The following PPARG variants were observed in gnomAD, a reference collection of about 807,000 sequenced individuals.
The protein encoded by PPARG is peroxisome proliferator activated receptor gamma.
A neutral mutation model predicts 39.2 loss-of-function variants in PPARG; 17 were observed. That is an observed-to-expected ratio of 0.43 (90% CI 0.30 to 0.65). PPARG has a LOEUF of 0.65. PPARG is among the 30% of genes least tolerant of loss of function. The probability of loss-of-function intolerance (pLI) is 0.13; values close to 1 mark genes in which losing one functional copy is unlikely to be tolerated. For missense variants in PPARG, 406 were observed against 585.9 expected, an observed-to-expected ratio of 0.69 and a Z score of 3.17; for synonymous variants, 223 against 215.7, an observed-to-expected ratio of 1.03 and a Z score of -0.30.
chr3:12,396,231 C>T (rs1296329437), intron 5 of PPARG, among the ~76,000 whole-genome samples: 5 of 151,970 alleles, frequency 3.3e-5, no homozygotes, highest in Admixed American at 1.3e-4. Context: ...AAGCAATTCT[C>T]CTGCCTTAGC....
chr3:12,426,431 T>G (rs938989004), intron 7 of PPARG, among the ~76,000 whole-genome samples: 1 of 152,130 alleles, frequency 6.6e-6, no homozygotes, highest in Non-Finnish European at 1.5e-5. Flanking sequence ...AAATCATCCA[T>G]GGCTCAGACC....
In PPARG at chr3:12,417,123, A is replaced by G; in HGVS notation, c.1149A>G (p.Ala383=). The part of the protein sequence containing the change: ...NALELDDSDL[A]IFIAVIILSG... The stretch of plus-strand genomic sequence containing the variant: ...TGGAATTAGATGACAGCGACTTGGC[A>G]ATATTTATTGCTGTCATTATTCTCA... Residue 383 remains alanine (A), a synonymous_variant, in exon 7 of 8, where the codon GCA becomes GCG. Coordinates refer to ENST00000651735, the MANE Select transcript of PPARG (RefSeq NM_138711.6). The G allele has an allele frequency of 6.2e-7, 1 of 1,614,128 alleles. No homozygotes were observed. Among genetic ancestry groups the G allele is most frequent in the Non-Finnish European group, 8.5e-7 (1 of 1,179,996 alleles).
intron 2 of PPARG, among the ~76,000 whole-genome samples, chr3:12,348,815 G>T (rs190572423): frequency 6.6e-6 from 1 of 152,166 alleles, no homozygotes; most frequent in East Asian, 1.9e-4. Flanking sequence ...CAACCCATTG[G>T]TGTACAAAGC....
At chr3:12,375,690 A>G (rs567264360) in intron 2 of PPARG, among the ~76,000 whole-genome samples, 1 of 152,204 alleles carries the variant, frequency 6.6e-6, no homozygotes, top group Non-Finnish European at 1.5e-5. Flanking sequence ...GAAACAAAGG[A>G]CACAGTTGGA....
At chr3:12,392,055 C>T (rs533327107) in intron 4 of PPARG, among the ~76,000 whole-genome samples, 87 of 152,174 alleles carry the variant, frequency 5.7e-4, no homozygotes, top group African/African-American at 2.0e-3. Flanking sequence ...TGTCTGTAAG[C>T]CACAACAATG....
intron 2 of PPARG, among the ~76,000 whole-genome samples, chr3:12,371,551 A>G (rs956133934): frequency 6.6e-5 from 10 of 152,222 alleles, no homozygotes; most frequent in Admixed American, 3.9e-4. Flanking sequence ...GGTTCCTTAC[A>G]TGAGACTTTT....
chr3:12,355,796 C>T (rs963299199), intron 2 of PPARG, among the ~76,000 whole-genome samples: 2 of 152,170 alleles, frequency 1.3e-5, no homozygotes, highest in Non-Finnish European at 2.9e-5. Flanking sequence ...GTCTTGAAAG[C>T]TCCCTGACAG....
chr3:12,373,230 A>G (rs1419886066), intron 2 of PPARG, among the ~76,000 whole-genome samples: 4 of 152,158 alleles, frequency 2.6e-5, no homozygotes, highest in African/African-American at 9.6e-5. Context: ...TGTGCCTCCC[A>G]GTAACTATGG....
At chr3:12,305,536 T>A (rs1186146489) in intron 1 of PPARG, among the ~76,000 whole-genome samples, 1 of 152,226 alleles carries the variant, frequency 6.6e-6, no homozygotes, top group African/African-American at 2.4e-5. Context: ...CAAATGCAGA[T>A]ATAGCAGATG....
chr3:12,354,825 A>G (rs1160364621), intron 2 of PPARG, among the ~76,000 whole-genome samples: 2 of 152,120 alleles, frequency 1.3e-5, no homozygotes, highest in African/African-American at 4.8e-5. Context: ...CAAAAACCGC[A>G]GAACTCTTTA....
At position 12,419,782 on chromosome 3, in the gene PPARG, T is replaced by C. The variant is rs1233545299; in HGVS notation, c.1180+2628T>C. On this transcript the variant is annotated intron_variant, in intron 7 of 7. Coordinates refer to ENST00000651735, the MANE Select transcript of PPARG (RefSeq NM_138711.6). ...GCACCCAGACTATTTATCTACTATTTTAAGGCACATTTTATTTTTAATAAA... is the reference window on the plus strand; with the variant it reads ...GCACCCAGACTATTTATCTACTATTCTAAGGCACATTTTATTTTTAATAAA... Among the ~76,000 whole-genome samples, 3 of 152,282 alleles carry C rather than the reference T, an allele frequency of 2.0e-5. No individual in the cohort carries two copies. The East Asian group carries it at 5.8e-4, about 29-fold the overall frequency.
At chr3:12,432,282 CA>C (rs1324050445) in intron 7 of PPARG, among the ~76,000 whole-genome samples, 1 of 152,124 alleles carries the variant, frequency 6.6e-6, no homozygotes, top group East Asian at 1.9e-4. Flanking sequence ...GTATCACCTA[CA>C]AATACAAAAA....
intron 7 of PPARG, among the ~76,000 whole-genome samples, chr3:12,422,063 G>A (rs1255041365): frequency 6.6e-6 from 1 of 152,134 alleles, no homozygotes; most frequent in South Asian, 2.1e-4. Context: ...GGTCCCTGGG[G>A]CTCCCCCATG....
intron 2 of PPARG, among the ~76,000 whole-genome samples, chr3:12,340,331 T>C (rs1296972903): frequency 6.6e-6 from 1 of 152,246 alleles, no homozygotes; most frequent in East Asian, 1.9e-4. Flanking sequence ...AGAGTTGCTG[T>C]AGGCATTTTG....
chr3:12,404,092 C>G (rs2050571415), intron 5 of PPARG, among the ~76,000 whole-genome samples: 1 of 152,084 alleles, frequency 6.6e-6, no homozygotes, highest in South Asian at 2.1e-4. Flanking sequence ...CCCCATGGAA[C>G]AACACAGAAA....
chr3:12,431,959 C>T (rs958673012), intron 7 of PPARG, among the ~76,000 whole-genome samples: 4 of 151,708 alleles, frequency 2.6e-5, no homozygotes. Context: ...AGTTAAGGAG[C>T]GTGAATAAAA....
intron 5 of PPARG, among the ~76,000 whole-genome samples, chr3:12,399,097 C>G (rs2125233978): frequency 1.3e-5 from 2 of 152,216 alleles, no homozygotes; most frequent in East Asian, 3.9e-4. Context: ...CCATCCTTTC[C>G]CCCAGCCCCA....
At chr3:12,329,261 G>C (rs768225105) in intron 2 of PPARG, among the ~76,000 whole-genome samples, 6 of 151,448 alleles carry the variant, frequency 4.0e-5, no homozygotes, top group Non-Finnish European at 8.8e-5. Flanking sequence ...ACCTCCACTA[G>C]AGGGGGATAA....
chr3:12,310,818 A>AAAAAAAC (rs2047218619), intron 1 of PPARG, among the ~76,000 whole-genome samples: 2 of 147,838 alleles, frequency 1.4e-5, no homozygotes, highest in Admixed American at 6.7e-5. Context: ...AAAAAAAAAA[A>AAAAAAAC]AAAAAACCCA....
Sources: gnomAD v4.1 joint callset for allele counts (sites outside exome capture counted in the v4.1 genomes callset) on GRCh38, gnomAD v4.1.1 for gene constraint, MANE v1.5 for transcripts, NCBI Gene and HGNC (gene_info 2026-07-23, HGNC 2026-07-21) for gene names.